KHDRBS2: variants seen among roughly 807,000 people sequenced by gnomAD.
KHDRBS2 encodes KH domain-containing, RNA-binding, signal transduction-associated protein 2.
In KHDRBS2, 26 loss-of-function variants were observed where a neutral mutation model predicts 44.3. That is an observed-to-expected ratio of 0.59 (90% confidence interval 0.43 to 0.81). The LOEUF is 0.81. KHDRBS2 is among the 40% of genes least tolerant of loss of function. The pLI is 0.00. For synonymous variants in KHDRBS2, 194 were observed against 151.1 expected (o/e 1.28, Z -2.08); for missense variants, 476 against 433.1 (o/e 1.10, Z -0.88).
intron 1 of KHDRBS2, among the ~76,000 whole-genome samples, chr6:62,199,126 G>A (rs1455458947): frequency 1.3e-5 from 2 of 152,028 alleles, no homozygotes; most frequent in African/African-American, 2.4e-5. Context: ...CCCACAATCA[G>A]TATCATATTG....
At chr6:62,124,400 T>C (rs1808451960) in intron 2 of KHDRBS2, among the ~76,000 whole-genome samples, 1 of 152,166 alleles carries the variant, frequency 6.6e-6, no homozygotes, top group Non-Finnish European at 1.5e-5. Flanking sequence ...AGAGCTCCCA[T>C]CAACAGACAC....
intron 2 of KHDRBS2, among the ~76,000 whole-genome samples, chr6:62,101,373 G>T (rs757437158): frequency 1.3e-5 from 2 of 152,108 alleles, no homozygotes; most frequent in African/African-American, 4.8e-5. Context: ...GTAACTGCAA[G>T]GTCTTGGATT....
At chr6:62,011,626 C>A (rs1251965818) in intron 3 of KHDRBS2, among the ~76,000 whole-genome samples, 1 of 152,062 alleles carries the variant, frequency 6.6e-6, no homozygotes, top group Non-Finnish European at 1.5e-5. Flanking sequence ...GACAGTGATA[C>A]CATTAATACT....
At chr6:62,179,907 T>C (rs1821906258) in intron 1 of KHDRBS2, among the ~76,000 whole-genome samples, 1 of 151,850 alleles carries the variant, frequency 6.6e-6, no homozygotes, top group African/African-American at 2.4e-5. Context: ...TTATCTTGTC[T>C]TCTTTGGCAT....
chr6:62,191,945 G>C (rs745318244), intron 1 of KHDRBS2, among the ~76,000 whole-genome samples: 1 of 151,996 alleles, frequency 6.6e-6, no homozygotes, highest in African/African-American at 2.4e-5. Context: ...TTATTGATCA[G>C]TGATTAGAAA....
At chr6:61,625,778 C>T in the KHDRBS2 span, among the ~76,000 whole-genome samples, 2 of 152,274 alleles carry the variant, frequency 1.3e-5, no homozygotes, top group African/African-American at 2.4e-5. Flanking sequence ...CATCTAATTC[C>T]GTCTTGGAAT....
chr6:62,147,609 A>G (rs1047527770), intron 2 of KHDRBS2, among the ~76,000 whole-genome samples: 1 of 151,948 alleles, frequency 6.6e-6, no homozygotes, highest in Non-Finnish European at 1.5e-5. Context: ...ATAACAAAGA[A>G]TTAAAGTAAT....
chr6:62,000,711 G>A (rs1176681195), intron 3 of KHDRBS2, among the ~76,000 whole-genome samples: 1 of 152,082 alleles, frequency 6.6e-6, no homozygotes, highest in Non-Finnish European at 1.5e-5. Context: ...TATACAGGTG[G>A]GCAGGAAGGT....
chr6:61,707,742 A>C (rs1769823546), intron 7 of KHDRBS2, among the ~76,000 whole-genome samples: 1 of 151,698 alleles, frequency 6.6e-6, no homozygotes, highest in South Asian at 2.1e-4. Flanking sequence ...GTTATATACT[A>C]TTTATCGGCT....
intron 1 of KHDRBS2, among the ~76,000 whole-genome samples, chr6:62,262,642 A>T (rs1250272768): frequency 6.6e-6 from 1 of 151,720 alleles, no homozygotes; most frequent in Non-Finnish European, 1.5e-5. Flanking sequence ...TGAAATTCTG[A>T]TAAATTTTTT....
At chr6:61,651,509 A>G in the KHDRBS2 span, among the ~76,000 whole-genome samples, 2 of 152,116 alleles carry the variant, frequency 1.3e-5, no homozygotes, top group Admixed American at 6.6e-5. Context: ...GTGGCATTAT[A>G]TGGTGCTCAA....
chr6:61,943,588 C>G (rs1812587387), intron 4 of KHDRBS2, among the ~76,000 whole-genome samples: 1 of 151,946 alleles, frequency 6.6e-6, no homozygotes, highest in Admixed American at 6.6e-5. Flanking sequence ...CAACATTGAT[C>G]TAAGTAAAGA....
rs533092241 is a variant in KHDRBS2, at chr6:61,844,952, T to G, written c.810+49683A>C. The stretch of plus-strand genomic sequence containing the variant: ...TCAACAGATGCCAATATGCTCACTT[T>G]GGAAATTGTATCTGCTTTATATTGT... On this transcript the variant is annotated intron_variant, in intron 6 of 8. Transcript: ENST00000281156. Among the ~76,000 whole-genome samples the G allele has an allele frequency of 4.7e-4, 71 of 152,344 alleles. 2 individuals are homozygous for G. The South Asian group carries it at 0.014, about 31-fold the overall frequency.
intron 6 of KHDRBS2, among the ~76,000 whole-genome samples, chr6:61,785,818 G>T (rs1319821976): frequency 1.3e-5 from 2 of 151,938 alleles, no homozygotes; most frequent in East Asian, 3.9e-4. Flanking sequence ...TACATTTTTT[G>T]CTTACGTAAT....
At chr6:61,850,707 G>C (rs1795288978) in intron 6 of KHDRBS2, among the ~76,000 whole-genome samples, 1 of 152,108 alleles carries the variant, frequency 6.6e-6, no homozygotes, top group Admixed American at 6.5e-5. Flanking sequence ...CAAACTGTCA[G>C]CTACCTAGGA....
chr6:61,794,464 G>C (rs4710489), intron 6 of KHDRBS2, among the ~76,000 whole-genome samples: 2 of 151,946 alleles, frequency 1.3e-5, no homozygotes, highest in African/African-American at 2.4e-5. Context: ...GCATTTGTAC[G>C]TTTTAGTGGT....
intron 6 of KHDRBS2, among the ~76,000 whole-genome samples, chr6:61,884,363 T>A (rs2127320635): frequency 6.6e-6 from 1 of 152,252 alleles, no homozygotes; most frequent in African/African-American, 2.4e-5. Flanking sequence ...TGAACTGAAT[T>A]TTAATTATAT....
intron 1 of KHDRBS2, among the ~76,000 whole-genome samples, chr6:62,267,192 C>G (rs1839348117): frequency 6.6e-6 from 1 of 151,978 alleles, no homozygotes; most frequent in Admixed American, 6.6e-5. Context: ...TGCAAAAATT[C>G]CGGGGTTTCT....
chr6:61,782,857 C>T (rs1043435075), intron 6 of KHDRBS2, among the ~76,000 whole-genome samples: 1 of 151,454 alleles, frequency 6.6e-6, no homozygotes, highest in Non-Finnish European at 1.5e-5. Flanking sequence ...CCACATGTCT[C>T]TCATTATTCT....
Sources: allele counts gnomAD v4.1 joint callset (sites outside exome capture counted in the v4.1 genomes callset), GRCh38; gene constraint gnomAD v4.1.1; transcripts MANE v1.5; gene names NCBI Gene and HGNC (gene_info 2026-07-23, HGNC 2026-07-21).